RNF123: variants seen among roughly 807,000 people sequenced by gnomAD.
RNF123 encodes the protein E3 ubiquitin-protein ligase RNF123.
In RNF123, 86 loss-of-function variants were observed where a neutral mutation model predicts 168.5. That is an observed-to-expected ratio of 0.51 (90% CI 0.43 to 0.61). RNF123 has a LOEUF of 0.61. RNF123 is among the 20% of genes least tolerant of loss of function. RNF123 has a pLI of 0.00. For synonymous variants in RNF123, 666 were observed against 689.1 expected, an observed-to-expected ratio of 0.97 and a Z score of 0.52; for missense variants, 1,419 against 1,729.7, an observed-to-expected ratio of 0.82 and a Z score of 3.19.
intron 34 of RNF123, 33 bp downstream of exon 34, chr3:49,716,210 C>G: frequency 6.2e-7 from 1 of 1,607,228 alleles, no homozygotes; most frequent in Non-Finnish European, 8.5e-7. Context: ...CCCCAACACA[C>G]TACAGGCCTC....
rs775640196 is a variant in RNF123, at chr3:49,714,102, G to A, written c.2938G>A (p.Gly980Arg). ...CCCACCTCCACAGGGCTGTGGCTTCGGGTACCGCTATACACGGCTGCCACA... is the reference window on the plus strand; with the variant it reads ...CCCACCTCCACAGGGCTGTGGCTTCAGGTACCGCTATACACGGCTGCCACA... ...LVRLWRGCGF[G>R]YRYTRLPHLL... The change falls in exon 31 of 39, where the codon GGG becomes AGG. Residue 980 changes from glycine (G) to arginine (R), a missense_variant. Gly to Arg is a moderately radical substitution (Grantham distance 125). Transcript: ENST00000327697. 6.2e-7 allele frequency: 1 copy of A among 1,614,090 alleles called. No individual in the cohort carries two copies. The highest frequency in any genetic ancestry group is 8.5e-7 in the Non-Finnish European group (1 of 1,180,034).
At chr3:49,702,002 A>T in intron 17 of RNF123, 81 bp from the exon 18 acceptor site, 1 of 1,563,666 alleles carries the variant, frequency 6.4e-7, no homozygotes, top group Non-Finnish European at 8.7e-7. Flanking sequence ...GGACTTGGGG[A>T]ACCCTGGTGG....
chr3:49,719,701 C>A, intron 35 of RNF123: 1 of 504,956 alleles, frequency 2.0e-6, no homozygotes, highest in East Asian at 3.4e-5. Context: ...AGTTCCTGAT[C>A]GGCTCCTAAA....
intron 35 of RNF123, 191 bp from the exon 36 acceptor site, chr3:49,720,317 GAAA>G (rs370438853): frequency 4.3e-4 from 150 of 344,850 alleles, no homozygotes; most frequent in Middle Eastern, 7.5e-4. Context: ...CTCGTCTCAA[GAAA>G]AAAAAAAAAA....
chr3:49,720,780 C>CAA lies in RNF123; in HGVS notation c.3644-19_3644-18insAA. 1 of 1,613,886 alleles carries CAA rather than the reference C, an allele frequency of 6.2e-7. No individual in the cohort carries two copies. The highest frequency in any genetic ancestry group is 1.1e-5 in the South Asian group (1 of 91,076). On this transcript the variant is annotated intron_variant, in intron 36 of 38. Coordinates refer to ENST00000327697, the MANE Select transcript of RNF123 (RefSeq NM_022064.5). Reference sequence around the variant, plus strand: ...ACATCCTCAGCTACCTCTGACTTGACACTACCTACCACTCCCCAGATGCGG... The same window carrying CAA: ...ACATCCTCAGCTACCTCTGACTTGACAAACTACCTACCACTCCCCAGATGCGG...
chr3:49,698,149 G>A lies in RNF123; in HGVS notation c.483+12G>A, dbSNP rs375015946. The A allele has an allele frequency of 5.0e-6, 8 of 1,611,818 alleles. No individual in the cohort carries two copies. Among genetic ancestry groups the A allele is most frequent in the Non-Finnish European group, 5.1e-6 (6 of 1,178,438 alleles). ...GCTTCAACCAGGAGGTACACGTTGG[G>A]GAGGGGACCCCTCCCTGGGCCCAGG... On this transcript the variant is annotated intron_variant, in intron 7 of 38. Coordinates refer to ENST00000327697, the MANE Select transcript of RNF123 (RefSeq NM_022064.5).
chr3:49,707,960 T>G (rs1443443094), intron 26 of RNF123, among the ~76,000 whole-genome samples: 3 of 152,114 alleles, frequency 2.0e-5, no homozygotes, highest in Non-Finnish European at 4.4e-5. Flanking sequence ...AAATGTACCA[T>G]CCTAGCTGTG....
intron 21 of RNF123, 133 bp from the exon 22 acceptor site, chr3:49,704,517 G>A (rs932768628): frequency 1.5e-6 from 1 of 684,924 alleles, no homozygotes; most frequent in Non-Finnish European, 2.5e-6. Context: ...GGGGCGAGGG[G>A]CAGATACGGT....
At position 49,713,923 on chromosome 3, in the gene RNF123, G is replaced by A. The variant is rs752748968; in HGVS notation, c.2851G>A (p.Val951Met). The change falls in exon 30 of 39, where the codon GTG becomes ATG. Residue 951 changes from valine to methionine, a missense_variant. By Grantham distance (21) the Val-to-Met change is conservative. Transcript: ENST00000327697. ...TTGCCCTCACAGGCGTATCGCCATG[G>A]TGAGGAACCTCCTGGCGCCCTATGA... ...RIPEEQRIAM[V>M]RNLLAPYEQR... 29 of 1,613,770 alleles carry A rather than the reference G, an allele frequency of 1.8e-5. No homozygotes were observed. The highest frequency in any genetic ancestry group is 2.5e-5 in the Non-Finnish European group (29 of 1,179,928).
At chr3:49,712,341 C>A in intron 26 of RNF123, 138 bp from the exon 27 acceptor site, 1 of 761,210 alleles carries the variant, frequency 1.3e-6, no homozygotes, top group Non-Finnish European at 2.1e-6. Flanking sequence ...GCTTGAGCTA[C>A]TGCTCATGCT....
At chr3:49,706,735 G>C in intron 25 of RNF123, 56 bp from the exon 26 acceptor site, 1 of 1,486,866 alleles carries the variant, frequency 6.7e-7, no homozygotes, top group Non-Finnish European at 9.4e-7. Context: ...CAGGATCAGG[G>C]TGGACCTGGG....
intron 3 of RNF123, among the ~76,000 whole-genome samples, chr3:49,696,649 T>TC (rs1220799104): frequency 2.8e-5 from 4 of 142,456 alleles, no homozygotes; most frequent in African/African-American, 1.0e-4. Flanking sequence ...ATACTTTTTT[T>TC]TTTTTTTTTT....
chr3:49,705,897 C>T, intron 24 of RNF123, 85 bp from the exon 25 acceptor site: 1 of 1,510,858 alleles, frequency 6.6e-7, no homozygotes, highest in Non-Finnish European at 9.2e-7. Context: ...GGGACCTTGG[C>T]AGGGCTGGGG....
In RNF123 at chr3:49,721,417, A is replaced by G. The variant is rs548803801; in HGVS notation, c.*112A>G. The G allele has an allele frequency of 4.3e-6, 6 of 1,386,556 alleles. No homozygotes were observed. The Admixed American group carries it at 8.4e-5, about 19-fold the overall frequency. 85.9% of individuals were successfully genotyped at this position (1,386,556 alleles called of 1,614,324 possible). On this transcript the variant is annotated 3_prime_UTR_variant, in exon 39 of 39. Coordinates refer to ENST00000327697, the MANE Select transcript of RNF123 (RefSeq NM_022064.5). ...CCTGTATCCCACACCACCACATCCA[A>G]CCTCCTTGCCTGCCTGTATCCTCAT...
At chr3:49,720,701 G>A in intron 36 of RNF123, 48 bp downstream of exon 36, 1 of 1,601,692 alleles carries the variant, frequency 6.2e-7, no homozygotes, top group Non-Finnish European at 8.5e-7. Flanking sequence ...GCTGGGTCGG[G>A]TCAGGAGCCT....
At position 49,699,738 on chromosome 3, in the gene RNF123, T is replaced by C; in HGVS notation, c.950T>C (p.Leu317Pro). ...LRGQPTVLLT[L>P]AHIFHHFAPL... Reference sequence around the variant, plus strand: ...GGCCAGCCCACCGTCCTCCTCACACTGGCCCACATCTTCCATCACTTTGCA... The same window carrying C: ...GGCCAGCCCACCGTCCTCCTCACACCGGCCCACATCTTCCATCACTTTGCA... The change falls in exon 12 of 39, where the codon CTG becomes CCG. Residue 317 changes from leucine to proline, a missense_variant. Around this residue, in one of 5 missense-constraint regions of RNF123, gnomAD observed 318 missense variants for 446.6 expected, o/e 0.71. Coordinates refer to ENST00000327697, the MANE Select transcript of RNF123 (RefSeq NM_022064.5). The surrounding 1 kb of genome is among the most constrained non-coding windows in gnomAD (Gnocchi z 4.8). 6.2e-7 allele frequency: 1 copy of C among 1,613,614 alleles called. No homozygotes were observed.
At chr3:49,698,201 T>A in intron 7 of RNF123, 64 bp downstream of exon 7, 1 of 1,433,090 alleles carries the variant, frequency 7.0e-7, no homozygotes, top group Non-Finnish European at 9.8e-7. Context: ...ACAGGCCTCA[T>A]CAGGTCTCCA....
At chr3:49,704,558 C>A in intron 21 of RNF123, 92 bp from the exon 22 acceptor site, 1 of 1,079,536 alleles carries the variant, frequency 9.3e-7, no homozygotes, top group Admixed American at 2.5e-5. Context: ...GCCTCCTGCC[C>A]AGTGTGCTGG....
intron 5 of RNF123, 112 bp from the exon 6 acceptor site, chr3:49,697,773 C>A: frequency 1.5e-6 from 2 of 1,332,834 alleles, no homozygotes; most frequent in Non-Finnish European, 2.1e-6. Context: ...CAGTGTTGGC[C>A]GCCACAGGCA....
Sources: allele counts gnomAD v4.1 joint callset (sites outside exome capture counted in the v4.1 genomes callset), GRCh38; gene constraint gnomAD v4.1.1; regional missense constraint gnomAD v4.1.1; non-coding constraint Gnocchi (gnomAD v3.1); transcripts MANE v1.5; gene names NCBI Gene and HGNC (gene_info 2026-07-23, HGNC 2026-07-21).